The following ATRNL1 variants were observed in gnomAD, a reference collection of about 807,000 sequenced individuals.
ATRNL1 encodes the protein attractin-like protein 1.
Under a neutral mutation model 182.7 loss-of-function variants are expected in ATRNL1, and 95 were observed. The ratio of observed to expected loss-of-function variants is 0.52; its 90% confidence interval spans 0.44 to 0.62. The LOEUF (loss-of-function observed/expected upper bound fraction) is 0.62. Among genes scored for constraint, ATRNL1 ranks in the 20% least tolerant of loss-of-function variants. The probability of loss-of-function intolerance (pLI) is 0.00; values close to 1 mark genes in which losing one functional copy is unlikely to be tolerated. For missense variants in ATRNL1, 1,471 were observed against 1,679.5 expected (o/e 0.88, Z 2.17); for synonymous variants, 576 against 568.3 (o/e 1.01, Z -0.19).
intron 27 of ATRNL1, among the ~76,000 whole-genome samples, chr10:115,846,731 G>A (rs1950936898): frequency 6.6e-6 from 1 of 152,056 alleles, no homozygotes; most frequent in South Asian, 2.1e-4. Context: ...TTGTGCATAT[G>A]TTTATGTGTA....
At chr10:115,782,051 A>G (rs889491195) in intron 27 of ATRNL1, among the ~76,000 whole-genome samples, 1 of 152,230 alleles carries the variant, frequency 6.6e-6, no homozygotes, top group African/African-American at 2.4e-5. Context: ...GAAAGGATTA[A>G]AGAAAGAGTT....
intron 5 of ATRNL1, among the ~76,000 whole-genome samples, chr10:115,137,960 A>G (rs561755722): frequency 1.1e-4 from 17 of 152,372 alleles, no homozygotes; most frequent in Middle Eastern, 3.4e-3. Context: ...CCTAGATAAC[A>G]ATCAGGGTAC....
chr10:115,741,393 C>A, intron 27 of ATRNL1, among the ~76,000 whole-genome samples: 1 of 151,910 alleles, frequency 6.6e-6, no homozygotes. Flanking sequence ...GCAAGGTGAG[C>A]GAGGGACGGA....
At chr10:115,303,221 GTTT>G (rs5788103) in intron 17 of ATRNL1, among the ~76,000 whole-genome samples, 4 of 106,992 alleles carry the variant, frequency 3.7e-5, no homozygotes, top group Non-Finnish European at 5.1e-5. Flanking sequence ...TGGTATGCAG[GTTT>G]TTTTTTTTTT....
At chr10:115,637,710 C>T (rs983901040) in intron 26 of ATRNL1, among the ~76,000 whole-genome samples, 9 of 151,054 alleles carry the variant, frequency 6.0e-5, no homozygotes, top group South Asian at 2.1e-4. Context: ...CTGCAACCTC[C>T]GCCTCCCGAG....
At chr10:115,824,577 GA>G (rs527577101) in intron 27 of ATRNL1, among the ~76,000 whole-genome samples, 14 of 150,150 alleles carry the variant, frequency 9.3e-5, no homozygotes, top group African/African-American at 1.5e-4. Context: ...AAACTTACAA[GA>G]AAAAAAAACC....
At chr10:115,190,289 C>T (rs1554889586) in intron 8 of ATRNL1, among the ~76,000 whole-genome samples, 2 of 152,058 alleles carry the variant, frequency 1.3e-5, no homozygotes, top group East Asian at 3.9e-4. Flanking sequence ...TTTAGTTTTG[C>T]TAAGTGAATT....
chr10:115,247,354 C>CA (rs1850689474), intron 10 of ATRNL1, among the ~76,000 whole-genome samples: 1 of 151,928 alleles, frequency 6.6e-6, no homozygotes, highest in African/African-American at 2.4e-5. Flanking sequence ...AAATGTTTAA[C>CA]AAAAATAGGC....
chr10:115,286,420 T>C lies in ATRNL1; in HGVS notation c.2415+23T>C, dbSNP rs782585309. On this transcript the variant is annotated intron_variant, in intron 15 of 28. Coordinates refer to ENST00000355044, the MANE Select transcript of ATRNL1 (RefSeq NM_207303.4). ...CAGGTAACATTTCTACTTGTTTACATTATGGAAATATGCTATGATAATTTC... is the reference window on the plus strand; with the variant it reads ...CAGGTAACATTTCTACTTGTTTACACTATGGAAATATGCTATGATAATTTC... 3 of 1,393,248 alleles carry C rather than the reference T, an allele frequency of 2.2e-6. No homozygotes were observed. In the Admixed American group the frequency reaches 7.1e-5, roughly 33 times the overall value. 86.3% of individuals were successfully genotyped at this position (1,393,248 alleles called of 1,614,324 possible). A position where few individuals can be genotyped will look rare whatever the true frequency, so the allele number is the denominator to read the frequency against.
chr10:115,279,201 CAA>C (rs1156356544), intron 13 of ATRNL1, among the ~76,000 whole-genome samples: 8 of 109,362 alleles, frequency 7.3e-5, no homozygotes, highest in Non-Finnish European at 8.0e-5. Context: ...GACTCTGTCT[CAA>C]AAAAAAAAAA....
At chr10:115,177,964 G>C (rs1554887115) in intron 8 of ATRNL1, among the ~76,000 whole-genome samples, 1 of 143,298 alleles carries the variant, frequency 7.0e-6, no homozygotes, top group African/African-American at 2.6e-5. Flanking sequence ...TGTTGCAGGG[G>C]CTGGAATGCA....
At chr10:115,175,207 G>A (rs555715202) in intron 8 of ATRNL1, among the ~76,000 whole-genome samples, 31 of 151,984 alleles carry the variant, frequency 2.0e-4, no homozygotes, top group African/African-American at 7.2e-4. Context: ...AATATATTTC[G>A]TGTGCTTCAT....
At chr10:115,837,655 A>G (rs1458002542) in intron 27 of ATRNL1, among the ~76,000 whole-genome samples, 1 of 152,140 alleles carries the variant, frequency 6.6e-6, no homozygotes, top group African/African-American at 2.4e-5. Flanking sequence ...GCTTTCTAAC[A>G]CTAGCATTGA....
chr10:115,658,873 G>T (rs548823008), intron 26 of ATRNL1, among the ~76,000 whole-genome samples: 2 of 152,104 alleles, frequency 1.3e-5, no homozygotes, highest in African/African-American at 4.8e-5. Flanking sequence ...TGGCTGTGGC[G>T]GCCTCGGGAA....
At chr10:115,100,614 A>G (rs1361294711) in intron 1 of ATRNL1, among the ~76,000 whole-genome samples, 1 of 152,106 alleles carries the variant, frequency 6.6e-6, no homozygotes, top group African/African-American at 2.4e-5. Flanking sequence ...CTCTTTGTCT[A>G]TTTGTATGTC....
rs192575145 is a variant in ATRNL1 at position 115,463,519 on chromosome 10, A to G, written c.3417+1484A>G. 4.8e-3 allele frequency among the ~76,000 whole-genome samples: 735 copies of G among 152,252 alleles called. 7 individuals carry two copies. The highest frequency in any genetic ancestry group is 0.017 in the African/African-American group (699 of 41,568). ...GACTTTTTATTGTAGTAAAATAGAC[A>G]TAAAATAACATTTATTTAAATAATT... On this transcript the variant is annotated intron_variant, in intron 22 of 28. Transcript: ENST00000355044.
intron 8 of ATRNL1, among the ~76,000 whole-genome samples, chr10:115,184,156 T>C (rs113771763): frequency 1.6e-4 from 24 of 151,386 alleles, no homozygotes; most frequent in African/African-American, 5.6e-4. Flanking sequence ...AGGAGAAAAA[T>C]GATATTATTT....
chr10:115,486,056 C>A (rs900016909), intron 24 of ATRNL1, among the ~76,000 whole-genome samples: 1 of 152,068 alleles, frequency 6.6e-6, no homozygotes, highest in African/African-American at 2.4e-5. Context: ...TCATCCATGT[C>A]CCTGCAAAGG....
chr10:115,417,884 G>C (rs1227709079), intron 20 of ATRNL1, among the ~76,000 whole-genome samples: 1 of 152,190 alleles, frequency 6.6e-6, no homozygotes, highest in African/African-American at 2.4e-5. Flanking sequence ...GTGGTCATGG[G>C]CTCAGAGAAC....
Sources: allele counts gnomAD v4.1 joint callset (sites outside exome capture counted in the v4.1 genomes callset), GRCh38; gene constraint gnomAD v4.1.1; transcripts MANE v1.5; gene names NCBI Gene and HGNC (gene_info 2026-07-23, HGNC 2026-07-21).